Variants in CDON observed in about 807,000 individuals in gnomAD.
The protein encoded by CDON is cell adhesion molecule-related/down-regulated by oncogenes.
CDON carries 73 observed loss-of-function variants against 120.9 expected under a neutral mutation model. That is an observed-to-expected ratio of 0.60 (90% CI 0.50 to 0.73). The LOEUF (loss-of-function observed/expected upper bound fraction) is 0.73, where lower values mean the gene tolerates loss of function less well. Among genes scored for constraint, CDON ranks in the 30% least tolerant of loss-of-function variants. The pLI is 0.00. For synonymous variants in CDON, 566 were observed against 573.5 expected, an observed-to-expected ratio of 0.99 and a Z score of 0.19; for missense variants, 1,470 against 1,587.3, an observed-to-expected ratio of 0.93 and a Z score of 1.26.
At chr11:126,052,336 A>G (rs1006311142) in intron 1 of CDON, among the ~76,000 whole-genome samples, 1 of 152,194 alleles carries the variant, frequency 6.6e-6, no homozygotes, top group Non-Finnish European at 1.5e-5. Context: ...TACTATGAAA[A>G]AGAAAGTATG....
intron 1 of CDON, among the ~76,000 whole-genome samples, chr11:126,038,219 A>G (rs1948154143): frequency 6.6e-6 from 1 of 152,210 alleles, no homozygotes; most frequent in Non-Finnish European, 1.5e-5. Context: ...AAATTTCCCT[A>G]GCCAACTTTA....
At position 125,959,467 on chromosome 11, in the gene CDON, C is replaced by G. The variant is rs955017398; in HGVS notation, c.*1475G>C. The G allele has an allele frequency of 1.3e-5, 2 of 152,114 alleles. No homozygotes were observed. The highest frequency in any genetic ancestry group is 2.9e-5 in the Non-Finnish European group (2 of 68,024). 9.4% of individuals were successfully genotyped at this position (152,114 alleles called of 1,614,324 possible). The stretch of plus-strand genomic sequence containing the variant: ...AATGTGAAGAGCCTTCCAAAGGCAG[C>G]TGCAAATGTCCTTGTCACGCAGAGG... On this transcript the variant is annotated 3_prime_UTR_variant, in exon 20 of 20. Coordinates refer to ENST00000531738, the MANE Select transcript of CDON (RefSeq NM_001378964.1).
intron 1 of CDON, among the ~76,000 whole-genome samples, chr11:126,057,701 G>T (rs575332744): frequency 1.3e-5 from 2 of 152,282 alleles, no homozygotes; most frequent in South Asian, 4.1e-4. Flanking sequence ...ATATTACTAT[G>T]TTACACCTCA....
At chr11:126,037,225 C>T (rs1354032430) in intron 1 of CDON, among the ~76,000 whole-genome samples, 1 of 152,034 alleles carries the variant, frequency 6.6e-6, no homozygotes, top group Non-Finnish European at 1.5e-5. Flanking sequence ...CCTCAGCCTC[C>T]CGAGTAGCTG....
intron 1 of CDON, among the ~76,000 whole-genome samples, chr11:126,060,384 G>A (rs1432361462): frequency 6.6e-6 from 1 of 152,160 alleles, no homozygotes; most frequent in Non-Finnish European, 1.5e-5. Flanking sequence ...TGCCATAGCT[G>A]ATCACAAGGC....
At chr11:125,965,997 C>T (rs1404055120) in intron 18 of CDON, among the ~76,000 whole-genome samples, 1 of 152,004 alleles carries the variant, frequency 6.6e-6, no homozygotes, top group Non-Finnish European at 1.5e-5. Flanking sequence ...ATTAGCCAGG[C>T]GTGGTGGCGC....
chr11:126,044,410 A>G (rs1239814280), intron 1 of CDON, among the ~76,000 whole-genome samples: 1 of 152,240 alleles, frequency 6.6e-6, no homozygotes, highest in African/African-American at 2.4e-5. Context: ...AGAAATCAGT[A>G]TAATATATCA....
chr11:125,990,025 T>C (rs765454691), intron 14 of CDON, among the ~76,000 whole-genome samples: 32 of 152,314 alleles, frequency 2.1e-4, no homozygotes, highest in Middle Eastern at 3.4e-3. Flanking sequence ...CTTGTTTCAC[T>C]AAAAATAATT....
chr11:125,992,823 T>C (rs1946668545), intron 14 of CDON, among the ~76,000 whole-genome samples: 1 of 152,186 alleles, frequency 6.6e-6, no homozygotes, highest in African/African-American at 2.4e-5. Context: ...ATATGGAAAA[T>C]AACCTTGGCC....
chr11:125,981,125 C>G lies in CDON; in HGVS notation c.3200G>C (p.Gly1067Ala). The change falls in exon 17 of 20, where the codon GGA becomes GCA. Residue 1067 changes from glycine (G) to alanine (A), a missense_variant. Transcript: ENST00000531738. Reference protein sequence around the residue: ...VNGIVNGSLNGGLYSGHSNSL... With the variant: ...VNGIVNGSLNAGLYSGHSNSL... ...GTTGCTGTGCCCGGAGTAAAGCCCT[C>G]CATTTAGGCTCCCATTCACAATTCC... is the stretch of plus-strand genomic sequence containing the variant. 1 of 1,614,116 alleles carries G rather than the reference C, an allele frequency of 6.2e-7. No homozygotes were observed.
Position 126,015,487 on chromosome 11 carries a change from G to A in CDON, c.952C>T (p.Leu318=), listed in dbSNP as rs1591388586. The A allele has an allele frequency of 6.2e-7, 1 of 1,614,006 alleles. No individual in the cohort carries two copies. Among genetic ancestry groups the A allele is most frequent in the Non-Finnish European group, 8.5e-7 (1 of 1,179,942 alleles). ...VLEHASISKG[L]QDQIVSLGAT... ...CCCAGAGACACTATCTGATCCTGTA[G>A]TCCTTTAGAAATGGAAGCATGTTCT... The change falls in exon 7 of 20, where the codon CTA becomes TTA. Residue 318 remains leucine (L), a synonymous_variant. Coordinates refer to ENST00000531738, the MANE Select transcript of CDON (RefSeq NM_001378964.1).
At chr11:126,003,752 G>A (rs981588927) in intron 10 of CDON, 150 bp downstream of exon 10, 29 of 730,682 alleles carry the variant, frequency 4.0e-5, no homozygotes, top group African/African-American at 2.3e-4. Flanking sequence ...CCGGGGAGGC[G>A]GAGGTTGCAG....
intron 18 of CDON, among the ~76,000 whole-genome samples, chr11:125,972,286 G>A (rs566188918): frequency 6.6e-6 from 1 of 152,222 alleles, no homozygotes; most frequent in South Asian, 2.1e-4. Context: ...AAATTAGCCA[G>A]CCATGGTGCC....
At chr11:126,046,532 G>T (rs963682748) in intron 1 of CDON, among the ~76,000 whole-genome samples, 1 of 152,114 alleles carries the variant, frequency 6.6e-6, no homozygotes, top group East Asian at 1.9e-4. Flanking sequence ...TTTAAGACAA[G>T]CATCTACTTT....
intron 8 of CDON, among the ~76,000 whole-genome samples, chr11:126,009,847 AC>A (rs552997986): frequency 1.2e-4 from 18 of 152,204 alleles, no homozygotes; most frequent in Non-Finnish European, 2.5e-4. Context: ...AGTCATCATC[AC>A]AAAAAATCAG....
chr11:126,052,563 C>T (rs1948589418), intron 1 of CDON, among the ~76,000 whole-genome samples: 1 of 152,222 alleles, frequency 6.6e-6, no homozygotes, highest in African/African-American at 2.4e-5. Flanking sequence ...TGGCTCACGC[C>T]TGTAATCCCA....
intron 11 of CDON, among the ~76,000 whole-genome samples, chr11:125,998,385 C>T (rs1275045916): frequency 2.0e-5 from 3 of 152,074 alleles, no homozygotes; most frequent in South Asian, 2.1e-4. Context: ...AGCAAGTTCT[C>T]GCTCTGTTGA....
At chr11:125,983,238 C>G (rs1946365838) in intron 16 of CDON, among the ~76,000 whole-genome samples, 1 of 152,132 alleles carries the variant, frequency 6.6e-6, no homozygotes, top group South Asian at 2.1e-4. Context: ...AAAAGTAGGA[C>G]AGTGAGGTGA....
chr11:125,988,404 CT>C (rs763818047), intron 15 of CDON, among the ~76,000 whole-genome samples: 3 of 152,068 alleles, frequency 2.0e-5, no homozygotes, highest in Non-Finnish European at 4.4e-5. Flanking sequence ...GAGACAAGGT[CT>C]CACTCTCTCG....
Sources: gnomAD v4.1 joint callset for allele counts (sites outside exome capture counted in the v4.1 genomes callset) on GRCh38, gnomAD v4.1.1 for gene constraint, MANE v1.5 for transcripts, NCBI Gene and HGNC (gene_info 2026-07-23, HGNC 2026-07-21) for gene names.